Variants in TMEM265 observed in about 807,000 individuals in gnomAD.
TMEM265 encodes the protein transmembrane protein 265.
In TMEM265, 8 loss-of-function variants were observed where a neutral mutation model predicts 9.5. The observed-to-expected ratio is 0.84, with a 90% CI of 0.49 to 1.52. The LOEUF (loss-of-function observed/expected upper bound fraction) is 1.52. Ranked by LOEUF, TMEM265 falls within the 40% of genes most tolerant of loss-of-function variation. The pLI is 0.00. For missense variants in TMEM265, 152 were observed against 146.2 expected (o/e 1.04, Z -0.21); for synonymous variants, 53 against 56.9 (o/e 0.93, Z 0.31).
At position 30,741,798 on chromosome 16, in the gene TMEM265, C is replaced by T; in HGVS notation, c.55C>T (p.Pro19Ser). 5.9e-6 allele frequency: 9 copies of T among 1,531,886 alleles called. No individual in the cohort carries two copies. The highest frequency in any genetic ancestry group is 7.9e-6 in the Non-Finnish European group (9 of 1,145,830). The allele number at this position is 1,531,886 out of a possible 1,614,324, so 94.9% of individuals were successfully genotyped here. ...EILGNTEAAH[P>S]PSPIRCCWLR... ...CTTGGGCAACACGGAAGCTGCTCATCCTCCATCCCCCATCCGCTGCTGCTG... is the reference window on the plus strand; with the variant it reads ...CTTGGGCAACACGGAAGCTGCTCATTCTCCATCCCCCATCCGCTGCTGCTG... Residue 19 changes from proline (P) to serine (S), a missense_variant, in exon 2 of 3, where the codon CCT becomes TCT. Pro to Ser is a moderately conservative substitution (Grantham distance 74). Coordinates refer to ENST00000615541, the MANE Select transcript of TMEM265 (RefSeq NM_001256829.2).
chr16:30,741,682 G>A, intron 1 of TMEM265, 59 bp from the exon 2 acceptor site: 3 of 1,480,092 alleles, frequency 2.0e-6, no homozygotes, highest in Middle Eastern at 2.4e-4. Context: ...TGGAGTCTGA[G>A]CAAGCAAGGC....
intron 2 of TMEM265, among the ~76,000 whole-genome samples, chr16:30,743,561 T>C (rs1239789874): frequency 6.6e-6 from 1 of 152,172 alleles, no homozygotes; most frequent in African/African-American, 2.4e-5. Flanking sequence ...TACTTTCCCA[T>C]AGGCGATCTT....
In TMEM265 at chr16:30,743,929, G is replaced by T; in HGVS notation, c.313G>T (p.Ala105Ser). ...GCTGTGGTTGCTCTCCTACGCCATC[G>T]CTCAGGCTGAGTGACCCTGGATGGC... ...LLLWLLSYAI[A>S]QAE Residue 105 changes from alanine (A) to serine (S), a missense_variant, in exon 3 of 3, where the codon GCT becomes TCT. Transcript: ENST00000615541. 1 of 1,533,626 alleles carries T rather than the reference G, an allele frequency of 6.5e-7. No homozygotes were observed. The highest frequency in any genetic ancestry group is 8.7e-7 in the Non-Finnish European group (1 of 1,146,516).
intron 2 of TMEM265, among the ~76,000 whole-genome samples, chr16:30,742,487 G>A (rs7185136): frequency 0.97 from 147,807 of 152,242 alleles, 71,878 homozygotes; most frequent in Middle Eastern, 1. Context: ...TGAGTTTTAG[G>A]AAGATCCACT....
At chr16:30,742,924 C>CAAA (rs11300181) in intron 2 of TMEM265, among the ~76,000 whole-genome samples, 1 of 114,706 alleles carries the variant, frequency 8.7e-6, no homozygotes, top group Non-Finnish European at 1.9e-5. Flanking sequence ...GACTCTGTCT[C>CAAA]AAAAAAAAAA....
intron 1 of TMEM265, chr16:30,740,985 C>G (rs1460931918): frequency 6.6e-6 from 1 of 152,146 alleles, no homozygotes; most frequent in Non-Finnish European, 1.5e-5. Flanking sequence ...ATGCCAGGGC[C>G]TAGAGGACCT....
At position 30,744,158 on chromosome 16, in the gene TMEM265, C is replaced by CAT. The variant is rs2053242299; in HGVS notation, c.*215_*216insAT. On this transcript the variant is annotated 3_prime_UTR_variant, in exon 3 of 3. Coordinates refer to ENST00000615541, the MANE Select transcript of TMEM265 (RefSeq NM_001256829.2). ...GGCAGCCTGCTCTGTTCTTTCAGGG[C>CAT]CCCCCACCCCCATCTCCCCTACCCT... 1 of 493,484 alleles carries CAT rather than the reference C, an allele frequency of 2.0e-6. No homozygotes were observed. Among genetic ancestry groups the CAT allele is most frequent in the African/African-American group, 1.9e-5 (1 of 51,440 alleles). The allele number at this position is 493,484 out of a possible 1,614,324, so 30.6% of individuals were successfully genotyped here.
intron 2 of TMEM265, 105 bp from the exon 3 acceptor site, chr16:30,743,677 G>A: frequency 1.5e-6 from 2 of 1,324,656 alleles, no homozygotes; most frequent in Non-Finnish European, 2.0e-6. Context: ...AGAGGGTTTG[G>A]ATGTGAGATT....
At chr16:30,742,857 C>T (rs1423664003) in intron 2 of TMEM265, among the ~76,000 whole-genome samples, 5 of 147,730 alleles carry the variant, frequency 3.4e-5, no homozygotes, top group Admixed American at 2.1e-4. Context: ...ACCACGGAGT[C>T]GGAGGTTGCA....
intron 1 of TMEM265, among the ~76,000 whole-genome samples, 170 bp from the exon 2 acceptor site, chr16:30,741,571 C>T (rs1349095128): frequency 6.6e-6 from 1 of 152,200 alleles, no homozygotes; most frequent in Admixed American, 6.5e-5. Context: ...TCCAGCCACA[C>T]ATTTCCTCTC....
chr16:30,740,865 C>G (rs562980604), intron 1 of TMEM265, 158 bp downstream of exon 1: 2 of 152,424 alleles, frequency 1.3e-5, no homozygotes, highest in African/African-American at 4.8e-5. Context: ...ACTTGTCTCG[C>G]CCCTTTCACC....
At chr16:30,742,103 A>G (rs963901161) in intron 2 of TMEM265, among the ~76,000 whole-genome samples, 195 bp downstream of exon 2, 1 of 152,238 alleles carries the variant, frequency 6.6e-6, no homozygotes, top group African/African-American at 2.4e-5. Flanking sequence ...AAAATGGGTA[A>G]TTAATAGAAT....
At chr16:30,741,545 G>C (rs952682229) in intron 1 of TMEM265, 196 bp from the exon 2 acceptor site, 2 of 558,058 alleles carry the variant, frequency 3.6e-6, no homozygotes, top group Non-Finnish European at 6.2e-6. Flanking sequence ...AGAACCTCAA[G>C]CTTAGGTAAA....
chr16:30,743,197 AC>A (rs1054086179), intron 2 of TMEM265, among the ~76,000 whole-genome samples: 4 of 150,774 alleles, frequency 2.7e-5, no homozygotes, highest in African/African-American at 9.8e-5. Flanking sequence ...GACCAGCCTG[AC>A]CAACATGGTG....
rs925542272 is a variant in TMEM265 at position 30,744,918 on chromosome 16, G to A, written c.*975G>A. 10 of 152,124 alleles carry A rather than the reference G, an allele frequency of 6.6e-5. No individual in the cohort carries two copies. The highest frequency in any genetic ancestry group is 2.2e-4 in the African/African-American group (9 of 41,420). The allele number at this position is 152,124 out of a possible 1,614,324, so 9.4% of individuals were successfully genotyped here. ...TTCAAATTTTTTTTAAAATTATGAA[G>A]TATATCATACATATAGGAAAATACC... On this transcript the variant is annotated 3_prime_UTR_variant, in exon 3 of 3. Coordinates refer to ENST00000615541, the MANE Select transcript of TMEM265 (RefSeq NM_001256829.2).
At chr16:30,743,210 A>G (rs1211832324) in intron 2 of TMEM265, among the ~76,000 whole-genome samples, 2 of 152,028 alleles carry the variant, frequency 1.3e-5, no homozygotes, top group Admixed American at 6.6e-5. Context: ...AACATGGTGA[A>G]ACCCCGTCTC....
chr16:30,741,867 T>C lies in TMEM265; in HGVS notation c.124T>C (p.Cys42Arg). The change falls in exon 2 of 3, where the codon TGC becomes CGC. Residue 42 changes from cysteine to arginine, a missense_variant. By Grantham distance (180) the Cys-to-Arg change is radical. Transcript: ENST00000615541. ...GGCAGCTACTAGCATTATCTGTGGC[T>C]GCTCTTGCCTGGGAGTCATGGCTCT... is the stretch of plus-strand genomic sequence containing the variant. ...CLAATSIICG[C>R]SCLGVMALVF... 1.3e-6 allele frequency: 2 copies of C among 1,533,990 alleles called. No individual in the cohort carries two copies. Among genetic ancestry groups the C allele is most frequent in the Non-Finnish European group, 1.7e-6 (2 of 1,146,726 alleles).
chr16:30,743,166 C>T (rs1486239880), intron 2 of TMEM265, among the ~76,000 whole-genome samples: 1 of 152,026 alleles, frequency 6.6e-6, no homozygotes, highest in African/African-American at 2.4e-5. Context: ...GTGGGCAGAT[C>T]ACTTGAGGTC....
intron 2 of TMEM265, 25 bp downstream of exon 2, chr16:30,741,933 A>G (rs1322104420): frequency 1.3e-6 from 2 of 1,531,248 alleles, no homozygotes; most frequent in South Asian, 1.2e-5. Context: ...TCCCATGGGA[A>G]TGGGGGTGGG....
Sources: gnomAD v4.1 joint callset for allele counts (sites outside exome capture counted in the v4.1 genomes callset) on GRCh38, gnomAD v4.1.1 for gene constraint, MANE v1.5 for transcripts, NCBI Gene and HGNC (gene_info 2026-07-23, HGNC 2026-07-21) for gene names.